The following RBFOX1 variants were observed in gnomAD, a reference collection of about 807,000 sequenced individuals.
RBFOX1 encodes the protein RNA binding fox-1 homolog 1.
Under a neutral mutation model 57.7 loss-of-function variants are expected in RBFOX1, and 8 were observed. That is an observed-to-expected ratio of 0.14 (90% CI 0.08 to 0.25). The LOEUF (loss-of-function observed/expected upper bound fraction) is 0.25, where lower values mean the gene tolerates loss of function less well. RBFOX1 is among the 10% of genes least tolerant of loss of function. RBFOX1 has a pLI of 1.00. For synonymous variants in RBFOX1, 326 were observed against 222.4 expected, an observed-to-expected ratio of 1.47 and a Z score of -4.15; for missense variants, 611 against 548.5, an observed-to-expected ratio of 1.11 and a Z score of -1.14.
intron 4 of RBFOX1, among the ~76,000 whole-genome samples, chr16:7,383,886 C>G (rs1371712799): frequency 1.3e-5 from 2 of 151,968 alleles, no homozygotes; most frequent in African/African-American, 2.4e-5. Context: ...GAAATACCAT[C>G]TACTAAAAAT....
At chr16:6,260,385 AC>A (rs1338317233) in intron 1 of RBFOX1, among the ~76,000 whole-genome samples, 1 of 152,162 alleles carries the variant, frequency 6.6e-6, no homozygotes, top group Non-Finnish European at 1.5e-5. Context: ...CACATGGATG[AC>A]CCCAAAATGT....
At chr16:5,783,297 C>A (rs572161847) in intron 3 of RBFOX1, among the ~76,000 whole-genome samples, 114 of 152,252 alleles carry the variant, frequency 7.5e-4, no homozygotes, top group African/African-American at 2.7e-3. Context: ...CTCTCTCCTC[C>A]CAGAAACTAT....
At chr16:6,739,374 C>G (rs888039336) in intron 3 of RBFOX1, among the ~76,000 whole-genome samples, 5 of 152,022 alleles carry the variant, frequency 3.3e-5, no homozygotes, top group Admixed American at 1.3e-4. Context: ...AGAGCTTAAA[C>G]CAATTCTCTT....
At chr16:5,909,654 G>A (rs896023907) in intron 4 of RBFOX1, among the ~76,000 whole-genome samples, 1 of 152,138 alleles carries the variant, frequency 6.6e-6, no homozygotes, top group African/African-American at 2.4e-5. Flanking sequence ...CTCTACCTGA[G>A]GTCTGTTTGC....
intron 5 of RBFOX1, among the ~76,000 whole-genome samples, chr16:7,565,260 A>T (rs572072890): frequency 2.0e-5 from 3 of 152,096 alleles, no homozygotes; most frequent in Non-Finnish European, 4.4e-5. Flanking sequence ...TCTGGTATGC[A>T]TGATTTTTCT....
intron 1 of RBFOX1, among the ~76,000 whole-genome samples, chr16:6,313,964 T>C (rs1314066155): frequency 1.3e-5 from 2 of 152,148 alleles, no homozygotes; most frequent in African/African-American, 4.8e-5. Context: ...TTTTATAAAA[T>C]AATCCCCCTA....
intron 1 of RBFOX1, among the ~76,000 whole-genome samples, chr16:6,164,442 A>G (rs1413934265): frequency 6.6e-6 from 1 of 151,246 alleles, no homozygotes. Context: ...TGTTTTCCAC[A>G]GAGTTCTTTT....
chr16:7,118,755 C>G (rs74880688), intron 4 of RBFOX1, among the ~76,000 whole-genome samples: 1,737 of 152,102 alleles, frequency 0.011, 41 homozygotes, highest in African/African-American at 0.039. Context: ...AGGATGCACA[C>G]CACAAGAATT....
chr16:5,997,129 C>A (rs1206591806), intron 4 of RBFOX1, among the ~76,000 whole-genome samples: 1 of 150,994 alleles, frequency 6.6e-6, no homozygotes, highest in Non-Finnish European at 1.5e-5. Context: ...TGGTGCTCTC[C>A]ATTGTCCAAA....
intron 1 of RBFOX1, among the ~76,000 whole-genome samples, chr16:5,405,205 C>G (rs190000123): frequency 2.0e-5 from 3 of 152,124 alleles, no homozygotes; most frequent in African/African-American, 7.2e-5. Flanking sequence ...CAGGACCATG[C>G]GCTTCCTTGG....
chr16:6,689,706 T>C (rs1253539824), intron 3 of RBFOX1, among the ~76,000 whole-genome samples: 2 of 152,182 alleles, frequency 1.3e-5, no homozygotes, highest in African/African-American at 4.8e-5. Context: ...TGTCCGTCAT[T>C]CATGTTCTGT....
intron 5 of RBFOX1, among the ~76,000 whole-genome samples, chr16:7,525,938 T>C (rs971031663): frequency 1.3e-5 from 2 of 152,134 alleles, no homozygotes; most frequent in African/African-American, 4.8e-5. Flanking sequence ...AGCTGTCTTC[T>C]AAAATAGGGG....
At chr16:6,520,971 A>G (rs771907249) in intron 2 of RBFOX1, among the ~76,000 whole-genome samples, 1 of 152,116 alleles carries the variant, frequency 6.6e-6, no homozygotes, top group African/African-American at 2.4e-5. Context: ...CTTCGCCACT[A>G]GAGAGATGTA....
chr16:6,908,208 A>C (rs1207132499), intron 3 of RBFOX1, among the ~76,000 whole-genome samples: 1 of 151,674 alleles, frequency 6.6e-6, no homozygotes, highest in Non-Finnish European at 1.5e-5. Context: ...ACCTCTGCTC[A>C]GCATTGTGTT....
At chr16:7,693,246 C>A in intron 14 of RBFOX1, 2 of 1,378,396 alleles carry the variant, frequency 1.5e-6, no homozygotes, top group Non-Finnish European at 2.1e-6. Context: ...CTGTACACAT[C>A]GAAGCAATTG....
At chr16:6,837,185 C>T (rs1188920308) in intron 3 of RBFOX1, among the ~76,000 whole-genome samples, 2 of 152,202 alleles carry the variant, frequency 1.3e-5, no homozygotes, top group African/African-American at 2.4e-5. Flanking sequence ...TAACTAAAAT[C>T]AGGTTAGGTT....
chr16:6,347,719 T>C lies in RBFOX1; in HGVS notation c.-64+30662T>C, dbSNP rs542613163. On this transcript the variant is annotated intron_variant, in intron 2 of 15. Coordinates refer to ENST00000550418, the MANE Select transcript of RBFOX1 (RefSeq NM_018723.4). The stretch of plus-strand genomic sequence containing the variant: ...TTCACAGAGAACTTGACACAAATAA[T>C]ATCATAAGACACATTCACAGTACAC... 3.3e-5 allele frequency among the ~76,000 whole-genome samples: 5 copies of C among 152,312 alleles called. No homozygotes were observed. The East Asian group carries it at 5.8e-4, about 18-fold the overall frequency.
At chr16:6,672,314 C>G (rs907964144) in intron 3 of RBFOX1, among the ~76,000 whole-genome samples, 3 of 150,114 alleles carry the variant, frequency 2.0e-5, no homozygotes, top group Admixed American at 2.0e-4. Context: ...AATAACCATA[C>G]AAATATTGTG....
chr16:5,431,869 C>G (rs928630751), intron 1 of RBFOX1, among the ~76,000 whole-genome samples: 1 of 152,144 alleles, frequency 6.6e-6, no homozygotes, highest in African/African-American at 2.4e-5. Flanking sequence ...ATTTCCAGAG[C>G]TTCCTTCACG....
Sources: gnomAD v4.1 joint callset for allele counts (sites outside exome capture counted in the v4.1 genomes callset) on GRCh38, gnomAD v4.1.1 for gene constraint, MANE v1.5 for transcripts, NCBI Gene and HGNC (gene_info 2026-07-23, HGNC 2026-07-21) for gene names.